Variants in ATP1B1 observed in about 807,000 individuals in gnomAD.
ATP1B1 encodes sodium/potassium-transporting ATPase subunit beta-1.
A neutral mutation model predicts 39.6 loss-of-function variants in ATP1B1; 3 were observed. That is an observed-to-expected ratio of 0.08 (90% CI 0.03 to 0.20). The LOEUF is 0.20. Among genes scored for constraint, ATP1B1 ranks in the 10% least tolerant of loss-of-function variants. ATP1B1 has a pLI of 1.00. For synonymous variants in ATP1B1, 139 were observed against 135.0 expected (o/e 1.03, Z -0.20); for missense variants, 216 against 371.1 (o/e 0.58, Z 3.43).
In ATP1B1 at chr1:169,131,481, G is replaced by A. The variant is rs781025471; in HGVS notation, c.838G>A (p.Gly280Ser). ...AATTCGCATAGAGTGTAAGGCGTAC[G>A]GTGAGAACATTGGGTACAGTGAGAA... is the stretch of plus-strand genomic sequence containing the variant. ...TEIRIECKAY[G>S]ENIGYSEKDR... Residue 280 changes from glycine to serine, a missense_variant, in exon 6 of 6, where the codon GGT (glycine) becomes AGT (serine). Physicochemically the swap from Gly to Ser is moderately conservative, Grantham distance 56. Transcript: ENST00000367815. This position sits in a 1 kb window ranked among gnomAD's most constrained non-coding sequence, Gnocchi z 4.4. 1 of 1,614,076 alleles carries A rather than the reference G, an allele frequency of 6.2e-7. No individual in the cohort carries two copies. The highest frequency in any genetic ancestry group is 8.5e-7 in the Non-Finnish European group (1 of 1,180,024).
intron 2 of ATP1B1, among the ~76,000 whole-genome samples, chr1:169,119,348 C>T (rs1460363335): frequency 6.6e-6 from 1 of 152,156 alleles, no homozygotes; most frequent in Non-Finnish European, 1.5e-5. Flanking sequence ...GTCTCTAGAG[C>T]TCAGGGTGGT....
Position 169,127,255 on chromosome 1 carries a change from CTT to C in ATP1B1, c.416_417del (p.Phe139Ter), listed in dbSNP as rs767040653. ...VPSEPKERGDFNHERGERKVC... is the reference protein window; with the variant it reads ...VPSEPKERGDXNHERGERKVC... The stretch of plus-strand genomic sequence containing the variant: ...CCAGTGAACCGAAAGAACGAGGAGA[CTT>C]TAATCATGAACGAGGAGAGCGAAAG... On this transcript the variant is annotated frameshift_variant, in exon 4 of 6. Transcript: ENST00000367815. LOFTEE classifies it high-confidence loss of function. 6.3e-7 allele frequency: 1 copy of C among 1,593,966 alleles called. No individual in the cohort carries two copies. Among genetic ancestry groups the C allele is most frequent in the Non-Finnish European group, 8.5e-7 (1 of 1,174,396 alleles).
Position 169,111,465 on chromosome 1 carries a change from A to C in ATP1B1, c.193A>C (p.Lys65Gln). ...GATGCTGCTCACCATCAGTGAATTT[A>C]AGCCCACATATCAGGACCGAGTGGC... is the stretch of plus-strand genomic sequence containing the variant. ...QVMLLTISEF[K>Q]PTYQDRVAPP... Residue 65 changes from lysine to glutamine, a missense_variant, in exon 2 of 6, where the codon AAG (lysine) becomes CAG (glutamine). Lys to Gln is a moderately conservative substitution (Grantham distance 53). Coordinates refer to ENST00000367815, the MANE Select transcript of ATP1B1 (RefSeq NM_001677.4). 6.2e-7 allele frequency: 1 copy of C among 1,614,236 alleles called. No individual in the cohort carries two copies. The highest frequency in any genetic ancestry group is 8.5e-7 in the Non-Finnish European group (1 of 1,180,038).
chr1:169,107,998 G>A (rs1178288981), intron 1 of ATP1B1: 2 of 152,084 alleles, frequency 1.3e-5, no homozygotes, highest in East Asian at 3.9e-4. Flanking sequence ...CTGCTTGGGA[G>A]GATCTGTGGG....
rs1658239678 is a variant in ATP1B1 at position 169,132,041 on chromosome 1, T to TTC, written c.*486_*487insTC. 10 of 248,122 alleles carry TTC rather than the reference T, an allele frequency of 4.0e-5. No homozygotes were observed. The highest frequency in any genetic ancestry group is 2.4e-4 in the African/African-American group (10 of 42,150). 15.4% of individuals were successfully genotyped at this position (248,122 alleles called of 1,614,324 possible). ...GTAATTTTTTTTTTTTTTTTTTTTT[T>TTC]GTTTTTTGGCTCTTTCAAAGGTAAT... On this transcript the variant is annotated 3_prime_UTR_variant, in exon 6 of 6. Coordinates refer to ENST00000367815, the MANE Select transcript of ATP1B1 (RefSeq NM_001677.4).
At position 169,131,229 on chromosome 1, in the gene ATP1B1, T is replaced by G; in HGVS notation, c.649-63T>G. 2 of 1,510,158 alleles carry G rather than the reference T, an allele frequency of 1.3e-6. No homozygotes were observed. The highest frequency in any genetic ancestry group is 1.9e-5 in the Admixed American group (1 of 53,302). The allele number at this position is 1,510,158 out of a possible 1,614,324, so 93.5% of individuals were successfully genotyped here. A position where few individuals can be genotyped will look rare whatever the true frequency, so the allele number is the denominator to read the frequency against. On this transcript the variant is annotated intron_variant, in intron 5 of 5. Transcript: ENST00000367815. The surrounding 1 kb of genome is among the most constrained non-coding windows in gnomAD (Gnocchi z 4.4). ...ACTACTGTGTAGATTGAGTCTTGTT[T>G]TTGAGTACACATAGTGATGCATGAT...
chr1:169,120,954 T>TC (rs1339139236), intron 2 of ATP1B1, among the ~76,000 whole-genome samples: 1 of 149,074 alleles, frequency 6.7e-6, no homozygotes, highest in South Asian at 2.1e-4. Context: ...TCTTTTCTTT[T>TC]TTTTTTTTTT....
At chr1:169,118,671 A>G (rs921503295) in intron 2 of ATP1B1, among the ~76,000 whole-genome samples, 3 of 152,242 alleles carry the variant, frequency 2.0e-5, no homozygotes, top group Non-Finnish European at 4.4e-5. Flanking sequence ...GTGTGTGTTT[A>G]TGTGTACATA....
In ATP1B1 at chr1:169,131,217, T is replaced by C; in HGVS notation, c.649-75T>C. ...AGTAGTTTGCAAACTACTGTGTAGA[T>C]TGAGTCTTGTTTTTGAGTACACATA... On this transcript the variant is annotated intron_variant, in intron 5 of 5. Transcript: ENST00000367815. This position sits in a 1 kb window ranked among gnomAD's most constrained non-coding sequence, Gnocchi z 4.4. 1.9e-6 allele frequency: 3 copies of C among 1,548,392 alleles called. No individual in the cohort carries two copies. The highest frequency in any genetic ancestry group is 1.2e-5 in the South Asian group (1 of 80,296).
intron 2 of ATP1B1, among the ~76,000 whole-genome samples, chr1:169,124,515 AC>A (rs1482493851): frequency 1.3e-5 from 2 of 152,208 alleles, no homozygotes; most frequent in South Asian, 2.1e-4. Flanking sequence ...ACGTTGGGGT[AC>A]TAGAAACATA....
At chr1:169,127,157 GTTTC>G (rs1322180402) in intron 3 of ATP1B1, 63 bp from the exon 4 acceptor site, 3 of 1,471,582 alleles carry the variant, frequency 2.0e-6, no homozygotes, top group South Asian at 1.5e-5. Flanking sequence ...AAGGAAGACA[GTTTC>G]TTTTTCTTAG....
intron 1 of ATP1B1, 63 bp from the exon 2 acceptor site, chr1:169,111,306 AG>A: frequency 6.3e-7 from 1 of 1,594,578 alleles, no homozygotes; most frequent in Non-Finnish European, 8.6e-7. Flanking sequence ...ATCCGTGGGA[AG>A]ATTAAACTTT....
intron 1 of ATP1B1, among the ~76,000 whole-genome samples, chr1:169,108,475 G>T (rs1227744500): frequency 6.6e-6 from 1 of 152,110 alleles, no homozygotes; most frequent in Non-Finnish European, 1.5e-5. Flanking sequence ...GGTTAGCTGG[G>T]GCTTCCTTCT....
intron 3 of ATP1B1, among the ~76,000 whole-genome samples, chr1:169,125,512 A>G (rs757763938): frequency 6.6e-6 from 1 of 152,182 alleles, no homozygotes; most frequent in Non-Finnish European, 1.5e-5. Flanking sequence ...CCTGGTTGGG[A>G]TAGATAATGA....
At chr1:169,124,796 C>A in intron 2 of ATP1B1, 88 bp from the exon 3 acceptor site, 1 of 1,458,932 alleles carries the variant, frequency 6.9e-7, no homozygotes, top group Non-Finnish European at 9.4e-7. Flanking sequence ...GTGGAGTTAG[C>A]AAAGTATGTT....
intron 2 of ATP1B1, among the ~76,000 whole-genome samples, chr1:169,120,650 A>G (rs1347039030): frequency 6.6e-6 from 1 of 152,230 alleles, no homozygotes. Flanking sequence ...CTGTAAGAGC[A>G]AAGTCAAGAT....
chr1:169,130,438 C>T (rs772640572), intron 5 of ATP1B1, among the ~76,000 whole-genome samples: 12 of 145,750 alleles, frequency 8.2e-5, no homozygotes, highest in Non-Finnish European at 1.2e-4. Flanking sequence ...TTGGGGCCAA[C>T]ATTAAAAAAA....
Position 169,132,694 on chromosome 1 carries a change from C to CA in ATP1B1, c.*1141dup. ...GATCTTGTATTCAGTCAGGTTAAAACAACGGACAATAAAAGAATGAACACA... is the reference window on the plus strand; with the variant it reads ...GATCTTGTATTCAGTCAGGTTAAAACAAACGGACAATAAAAGAATGAACACA... On this transcript the variant is annotated 3_prime_UTR_variant, in exon 6 of 6. Transcript: ENST00000367815. 1 of 1,250,794 alleles carries CA rather than the reference C, an allele frequency of 8.0e-7. No individual in the cohort carries two copies. Among genetic ancestry groups the CA allele is most frequent in the Admixed American group, 1.9e-5 (1 of 53,910 alleles). 77.5% of individuals were successfully genotyped at this position (1,250,794 alleles called of 1,614,324 possible).
chr1:169,116,896 G>A (rs991090379), intron 2 of ATP1B1, among the ~76,000 whole-genome samples: 2 of 151,850 alleles, frequency 1.3e-5, no homozygotes, highest in African/African-American at 2.4e-5. Flanking sequence ...ACCCATTAGG[G>A]TTCGAGTCAT....
Sources: allele counts gnomAD v4.1 joint callset (sites outside exome capture counted in the v4.1 genomes callset), GRCh38; gene constraint gnomAD v4.1.1; non-coding constraint Gnocchi (gnomAD v3.1); transcripts MANE v1.5; gene names NCBI Gene and HGNC (gene_info 2026-07-23, HGNC 2026-07-21).